PSD3: variants seen among roughly 807,000 people sequenced by gnomAD.
The protein encoded by PSD3 is pleckstrin and Sec7 domain containing 3, also known as PH and SEC7 domain-containing protein 3.
Under a neutral mutation model 105.5 loss-of-function variants are expected in PSD3, and 49 were observed. The ratio of observed to expected loss-of-function variants is 0.46; its 90% confidence interval spans 0.37 to 0.59. PSD3 has a LOEUF of 0.59. PSD3 is among the 20% of genes least tolerant of loss of function. The probability of loss-of-function intolerance (pLI) is 0.00; values close to 1 mark genes in which losing one functional copy is unlikely to be tolerated. For missense variants in PSD3, 1,561 were observed against 1,263.8 expected, an observed-to-expected ratio of 1.24 and a Z score of -3.57; for synonymous variants, 557 against 457.8, an observed-to-expected ratio of 1.22 and a Z score of -2.77.
chr8:18,616,628 C>CTTTTTTTTT (rs71217391), intron 11 of PSD3, among the ~76,000 whole-genome samples: 2,038 of 126,544 alleles, frequency 0.016, 100 homozygotes, highest in African/African-American at 0.046. Context: ...CTTTTCTTTT[C>CTTTTTTTTT]TTTTTTTTTT....
intron 10 of PSD3, among the ~76,000 whole-genome samples, chr8:18,654,755 G>A (rs1808763633): frequency 6.6e-6 from 1 of 152,106 alleles, no homozygotes; most frequent in African/African-American, 2.4e-5. Flanking sequence ...TAGAAGTTCT[G>A]AAGTTTAAAT....
At chr8:18,567,316 C>A (rs969600) in intron 14 of PSD3, among the ~76,000 whole-genome samples, 2 of 151,666 alleles carry the variant, frequency 1.3e-5, no homozygotes, top group Non-Finnish European at 2.9e-5. Context: ...CCCCTTATAT[C>A]GTGTAATGTG....
intron 4 of PSD3, among the ~76,000 whole-genome samples, chr8:18,810,509 C>G (rs1811601258): frequency 6.6e-6 from 1 of 152,072 alleles, no homozygotes; most frequent in Admixed American, 6.5e-5. Flanking sequence ...TTGCCCGTTT[C>G]ATACAGGCAA....
intron 15 of PSD3, among the ~76,000 whole-genome samples, chr8:18,539,637 G>A (rs189834898): frequency 1.3e-5 from 2 of 148,352 alleles, no homozygotes; most frequent in Non-Finnish European, 3.0e-5. Context: ...AACCTCTGCC[G>A]ACTGGGTTCA....
chr8:18,925,422 T>C (rs1821300555), intron 2 of PSD3, among the ~76,000 whole-genome samples: 1 of 151,730 alleles, frequency 6.6e-6, no homozygotes, highest in African/African-American at 2.4e-5. Context: ...CACACACATA[T>C]ACATATAATA....
intron 6 of PSD3, chr8:18,802,165 G>C (rs574479918): frequency 2.4e-5 from 5 of 211,072 alleles, no homozygotes; most frequent in South Asian, 2.2e-4. Flanking sequence ...ATTTGTTATA[G>C]GAGGAGGAAA....
chr8:18,949,383 A>C (rs1823099711), intron 1 of PSD3, among the ~76,000 whole-genome samples: 1 of 149,428 alleles, frequency 6.7e-6, no homozygotes, highest in African/African-American at 2.4e-5. Flanking sequence ...ACCTACATGC[A>C]TGCAGAAAAA....
intron 2 of PSD3, among the ~76,000 whole-genome samples, chr8:18,924,258 G>C (rs1228592841): frequency 6.6e-6 from 1 of 152,330 alleles, no homozygotes; most frequent in South Asian, 2.1e-4. Context: ...TCAAGCAGAG[G>C]CTGTGGTACA....
chr8:18,788,063 GA>G (rs1291017931), intron 8 of PSD3, among the ~76,000 whole-genome samples: 1 of 152,180 alleles, frequency 6.6e-6, no homozygotes, highest in Non-Finnish European at 1.5e-5. Flanking sequence ...CTGATTTACA[GA>G]AACAAGCCCC....
chr8:18,988,814 G>A (rs958786719), intron 1 of PSD3, among the ~76,000 whole-genome samples: 1 of 152,154 alleles, frequency 6.6e-6, no homozygotes, highest in Admixed American at 6.5e-5. Flanking sequence ...TTTGGTTTCT[G>A]AAATTCTCTT....
chr8:18,632,609 T>C lies in PSD3; in HGVS notation c.2410+4A>G. On this transcript the variant is annotated splice_donor_region_variant and intron_variant, in intron 11 of 15. Coordinates refer to ENST00000327040, the MANE Select transcript of PSD3 (RefSeq NM_015310.4). ...AATAGAAAATGACAACGCATGATAC[T>C]TACTCTTCTTTCCATCCATATCTGC... 6.2e-7 allele frequency: 1 copy of C among 1,606,688 alleles called. No individual in the cohort carries two copies. The highest frequency in any genetic ancestry group is 1.1e-5 in the South Asian group (1 of 89,484).
intron 6 of PSD3, 122 bp from the exon 7 acceptor site, chr8:18,801,504 G>C (rs1222826767): frequency 1.7e-6 from 1 of 594,294 alleles, no homozygotes; most frequent in African/African-American, 1.9e-5. Flanking sequence ...ATATTATGAA[G>C]TTATCTCCCC....
At position 18,530,400 on chromosome 8, in the gene PSD3, T is replaced by C. The variant is rs955288171; in HGVS notation, c.*5343A>G. On this transcript the variant is annotated 3_prime_UTR_variant, in exon 16 of 16. Coordinates refer to ENST00000327040, the MANE Select transcript of PSD3 (RefSeq NM_015310.4). Reference sequence around the variant, plus strand: ...TGCAAACCTAGGATACAGTACCCAATCCTGGGATGCCCTGATATACTTTAG... The same window carrying C: ...TGCAAACCTAGGATACAGTACCCAACCCTGGGATGCCCTGATATACTTTAG... 6.6e-6 allele frequency: 1 copy of C among 152,406 alleles called. No homozygotes were observed. The highest frequency in any genetic ancestry group is 1.5e-5 in the Non-Finnish European group (1 of 68,042). The allele number at this position is 152,406 out of a possible 1,614,324, so 9.4% of individuals were successfully genotyped here.
intron 8 of PSD3, among the ~76,000 whole-genome samples, chr8:18,796,215 T>C (rs1383704650): frequency 6.6e-6 from 1 of 152,128 alleles, no homozygotes; most frequent in Admixed American, 6.5e-5. Context: ...TCTAGCCTAA[T>C]TAGAGAAGTT....
Position 18,804,798 on chromosome 8 carries a change from T to C in PSD3, c.1735A>G (p.Ser579Gly), listed in dbSNP as rs1811054585. 6.2e-7 allele frequency: 1 copy of C among 1,614,150 alleles called. No homozygotes were observed. Among genetic ancestry groups the C allele is most frequent in the Non-Finnish European group, 8.5e-7 (1 of 1,179,980 alleles). The change falls in exon 5 of 16, where the codon AGC (serine) becomes GGC (glycine). Residue 579 changes from serine to glycine, a missense_variant. Ser to Gly is a moderately conservative substitution (Grantham distance 56, BLOSUM62 0). Transcript: ENST00000327040. ...ETPENLSNGT[S>G]SNVEAAKRLA... ...CTTTTGGCTGCTTCCACATTGCTGCTGGTACCATTACTGAGATTTTCTGGG... is the reference window on the plus strand; with the variant it reads ...CTTTTGGCTGCTTCCACATTGCTGCCGGTACCATTACTGAGATTTTCTGGG...
intron 10 of PSD3, among the ~76,000 whole-genome samples, chr8:18,637,855 C>G (rs1465605850): frequency 6.6e-6 from 1 of 152,116 alleles, no homozygotes; most frequent in Non-Finnish European, 1.5e-5. Context: ...ATTCTATTAT[C>G]ATCATTAAGA....
chr8:18,934,558 C>T (rs974790050), intron 2 of PSD3, among the ~76,000 whole-genome samples: 1 of 152,254 alleles, frequency 6.6e-6, no homozygotes, highest in Non-Finnish European at 1.5e-5. Flanking sequence ...CTACAGGCAC[C>T]TGCCACCGCG....
At chr8:18,990,829 A>T (rs1459714028) in intron 1 of PSD3, among the ~76,000 whole-genome samples, 1 of 152,164 alleles carries the variant, frequency 6.6e-6, no homozygotes, top group Non-Finnish European at 1.5e-5. Flanking sequence ...TCACGAACAG[A>T]TCAACCAAGC....
At chr8:18,559,505 A>C (rs887523930) in intron 14 of PSD3, among the ~76,000 whole-genome samples, 1 of 152,154 alleles carries the variant, frequency 6.6e-6, no homozygotes, top group Non-Finnish European at 1.5e-5. Flanking sequence ...ATGTTAAGAA[A>C]TCAAACTCTT....
Sources: gnomAD v4.1 joint callset for allele counts (sites outside exome capture counted in the v4.1 genomes callset) on GRCh38, gnomAD v4.1.1 for gene constraint, MANE v1.5 for transcripts, NCBI Gene and HGNC (gene_info 2026-07-23, HGNC 2026-07-21) for gene names.